Variants in RASAL2 observed in about 807,000 individuals in gnomAD.
RASAL2 encodes the protein RAS protein activator like 2, also known as ras GTPase-activating protein nGAP.
In RASAL2, 58 loss-of-function variants were observed where a neutral mutation model predicts 128.9. The ratio of observed to expected loss-of-function variants is 0.45; its 90% CI spans 0.36 to 0.56. RASAL2 has a LOEUF of 0.56. RASAL2 is among the 20% of genes least tolerant of loss of function. The pLI is 0.00. For synonymous variants in RASAL2, 561 were observed against 580.8 expected (o/e 0.97, Z 0.49); for missense variants, 1,360 against 1,601.6 (o/e 0.85, Z 2.57).
intron 5 of RASAL2, among the ~76,000 whole-genome samples, chr1:178,431,866 A>G (rs1675929945): frequency 6.8e-6 from 1 of 147,298 alleles, no homozygotes; most frequent in Non-Finnish European, 1.5e-5. Flanking sequence ...ATTTAAATAA[A>G]TTATGTATAT....
intron 3 of RASAL2, among the ~76,000 whole-genome samples, chr1:178,346,048 A>T (rs1211305790): frequency 1.3e-5 from 2 of 152,214 alleles, no homozygotes; most frequent in African/African-American, 4.8e-5. Context: ...GGCCTGCTTT[A>T]TTTATGAATC....
chr1:178,467,689 C>A (rs1647876804), intron 17 of RASAL2, among the ~76,000 whole-genome samples: 1 of 152,192 alleles, frequency 6.6e-6, no homozygotes, highest in Admixed American at 6.5e-5. Context: ...ATGGGGTTTG[C>A]TTCTTTCCCT....
chr1:178,225,389 C>T (rs615226), intron 1 of RASAL2, among the ~76,000 whole-genome samples: 103,966 of 151,740 alleles, frequency 0.69, 37,920 homozygotes, highest in East Asian at 0.8. Context: ...ATGATTCTAC[C>T]GTGTACATAC....
chr1:178,199,587 G>A (rs1311508146), intron 1 of RASAL2, among the ~76,000 whole-genome samples: 1 of 152,114 alleles, frequency 6.6e-6, no homozygotes, highest in Non-Finnish European at 1.5e-5. Flanking sequence ...TCATAAATTG[G>A]AATATATTTT....
chr1:178,383,192 A>G (rs1672376630), intron 3 of RASAL2, among the ~76,000 whole-genome samples: 1 of 152,168 alleles, frequency 6.6e-6, no homozygotes, highest in South Asian at 2.1e-4. Flanking sequence ...ACTTAGCACC[A>G]ATTTGTACAT....
chr1:178,136,851 A>T (rs1282558075), intron 1 of RASAL2, among the ~76,000 whole-genome samples: 1 of 151,736 alleles, frequency 6.6e-6, no homozygotes, highest in Non-Finnish European at 1.5e-5. Flanking sequence ...AAACTGAAAC[A>T]TAAAGGTCTA....
At chr1:178,420,032 A>G (rs1675038085) in intron 4 of RASAL2, among the ~76,000 whole-genome samples, 1 of 152,168 alleles carries the variant, frequency 6.6e-6, no homozygotes, top group Non-Finnish European at 1.5e-5. Flanking sequence ...CTCTTCTGTC[A>G]GTTATCTTTT....
At chr1:178,431,702 G>C (rs75663219) in intron 5 of RASAL2, among the ~76,000 whole-genome samples, 7,448 of 151,836 alleles carry the variant, frequency 0.049, 213 homozygotes, top group South Asian at 0.08. Flanking sequence ...ATTATTACAG[G>C]CTCATGTAAA....
intron 1 of RASAL2, among the ~76,000 whole-genome samples, chr1:178,201,100 A>G (rs1051772003): frequency 6.6e-6 from 1 of 152,190 alleles, no homozygotes; most frequent in African/African-American, 2.4e-5. Flanking sequence ...TGAGTTCTCT[A>G]ATTTATATAA....
chr1:178,222,997 C>T (rs752073948), intron 1 of RASAL2, among the ~76,000 whole-genome samples: 1 of 152,150 alleles, frequency 6.6e-6, no homozygotes, highest in Non-Finnish European at 1.5e-5. Context: ...ACTGCTTCCT[C>T]ACCCATGATC....
intron 1 of RASAL2, among the ~76,000 whole-genome samples, chr1:178,276,349 C>T (rs975791540): frequency 6.6e-6 from 1 of 152,064 alleles, no homozygotes; most frequent in African/African-American, 2.4e-5. Context: ...CTTTAAGTGA[C>T]CTGACTGGAT....
At chr1:178,359,915 ATTT>A (rs1231052068) in intron 3 of RASAL2, among the ~76,000 whole-genome samples, 1 of 152,108 alleles carries the variant, frequency 6.6e-6, no homozygotes, top group Non-Finnish European at 1.5e-5. Flanking sequence ...CAATTTTGTG[ATTT>A]TTTTAACATA....
rs900256170 is a variant in RASAL2, at chr1:178,100,802, A to T, written c.202+6108A>T. Among the ~76,000 whole-genome samples the T allele has an allele frequency of 2.6e-4, 39 of 152,202 alleles. 1 individual carries two copies. Among genetic ancestry groups the T allele is most frequent in the African/African-American group, 8.2e-4 (34 of 41,444 alleles). The stretch of plus-strand genomic sequence containing the variant: ...ATCACCTTTTAAGTAGGTGAACCAC[A>T]AAAAAGCATTCAACTAATGACAGTT... On this transcript the variant is annotated intron_variant, in intron 1 of 17. Coordinates refer to ENST00000367649, the MANE Select transcript of RASAL2 (RefSeq NM_170692.4).
At chr1:178,142,741 G>A (rs1020939052) in intron 1 of RASAL2, among the ~76,000 whole-genome samples, 1 of 152,122 alleles carries the variant, frequency 6.6e-6, no homozygotes, top group East Asian at 1.9e-4. Context: ...CCTTGAAAGC[G>A]GGGCCATTTT....
At chr1:178,274,782 G>T (rs1396406119) in intron 1 of RASAL2, among the ~76,000 whole-genome samples, 1 of 151,984 alleles carries the variant, frequency 6.6e-6, no homozygotes. Context: ...TAGAGCCAGG[G>T]GTCCCACTTT....
chr1:178,244,624 A>G (rs1664684535), intron 1 of RASAL2, among the ~76,000 whole-genome samples: 1 of 152,162 alleles, frequency 6.6e-6, no homozygotes, highest in Non-Finnish European at 1.5e-5. Flanking sequence ...TTTGTTACAT[A>G]GGTATACATG....
At chr1:178,115,866 A>G (rs908572334) in intron 1 of RASAL2, among the ~76,000 whole-genome samples, 6 of 151,968 alleles carry the variant, frequency 3.9e-5, no homozygotes, top group African/African-American at 1.5e-4. Context: ...GAAGGTTAAT[A>G]TTAATAAGAC....
chr1:178,206,460 A>T (rs1447627883), intron 1 of RASAL2, among the ~76,000 whole-genome samples: 1 of 152,228 alleles, frequency 6.6e-6, no homozygotes, highest in Non-Finnish European at 1.5e-5. Flanking sequence ...CAACTCTATG[A>T]GAAAAGTATT....
At chr1:178,145,870 G>A (rs1660716654) in intron 1 of RASAL2, among the ~76,000 whole-genome samples, 1 of 152,132 alleles carries the variant, frequency 6.6e-6, no homozygotes, top group South Asian at 2.1e-4. Context: ...TTCCCAGAAA[G>A]TCCCACACAT....
Sources: gnomAD v4.1 joint callset for allele counts (sites outside exome capture counted in the v4.1 genomes callset) on GRCh38, gnomAD v4.1.1 for gene constraint, MANE v1.5 for transcripts, NCBI Gene and HGNC (gene_info 2026-07-23, HGNC 2026-07-21) for gene names.